The following CSMD2 variants were observed in gnomAD, a reference collection of about 807,000 sequenced individuals.
CSMD2 encodes CUB and Sushi multiple domains 2.
Under a neutral mutation model 398.5 loss-of-function variants are expected in CSMD2, and 130 were observed. The observed-to-expected ratio is 0.33, with a 90% CI of 0.28 to 0.38. The LOEUF (loss-of-function observed/expected upper bound fraction) is 0.38, where lower values mean the gene tolerates loss of function less well. Ranked by LOEUF, CSMD2 falls within the 10% of genes least tolerant of loss-of-function variation. The probability of loss-of-function intolerance (pLI) is 1.00; values close to 1 mark genes in which losing one functional copy is unlikely to be tolerated. For synonymous variants in CSMD2, 1,828 were observed against 1,908.5 expected (o/e 0.96, Z 1.10); for missense variants, 3,829 against 4,764.9 (o/e 0.80, Z 5.78).
chr1:33,523,357 C>T lies in CSMD2; in HGVS notation c.10459G>A (p.Glu3487Lys), dbSNP rs1654479757. 6.2e-7 allele frequency: 1 copy of T among 1,604,108 alleles called. No homozygotes were observed. The highest frequency in any genetic ancestry group is 8.5e-7 in the Non-Finnish European group (1 of 1,171,480). Residue 3487 changes from glutamate to lysine, a missense_variant, in exon 67 of 71, where the codon GAG becomes AAG. Transcript: ENST00000373381. ...LQVYQITGPV[E>K]IFMNKFKDDH... ...TCTTTGAACTTATTCATAAAGATCTCCACAGGCCCTGTAATCTGGTACACC... is the reference window on the plus strand; with the variant it reads ...TCTTTGAACTTATTCATAAAGATCTTCACAGGCCCTGTAATCTGGTACACC...
intron 3 of CSMD2, among the ~76,000 whole-genome samples, chr1:33,977,929 C>T (rs1646027425): frequency 1.3e-5 from 2 of 152,048 alleles, no homozygotes; most frequent in South Asian, 2.1e-4. Flanking sequence ...GCAGGGGTCC[C>T]GGTCGGGGCT....
chr1:33,723,984 G>A (rs754231567), intron 19 of CSMD2, among the ~76,000 whole-genome samples: 4 of 152,146 alleles, frequency 2.6e-5, no homozygotes, highest in Non-Finnish European at 4.4e-5. Flanking sequence ...CTTCCAGCAG[G>A]GAGATTTTAG....
intron 43 of CSMD2, among the ~76,000 whole-genome samples, chr1:33,601,384 C>T (rs949974989): frequency 4.1e-4 from 62 of 152,174 alleles, no homozygotes; most frequent in African/African-American, 1.5e-3. Flanking sequence ...TGCATATCGG[C>T]TCCATGCTCC....
At chr1:33,614,693 G>T in intron 39 of CSMD2, 73 bp from the exon 40 acceptor site, 2 of 815,420 alleles carry the variant, frequency 2.5e-6, no homozygotes, top group Non-Finnish European at 4.1e-6. Flanking sequence ...ATGTTTGGAA[G>T]CTCCCTTCAA....
chr1:33,579,945 C>T (rs1212554387), intron 48 of CSMD2, among the ~76,000 whole-genome samples: 1 of 152,196 alleles, frequency 6.6e-6, no homozygotes, highest in Non-Finnish European at 1.5e-5. Context: ...TCCCAAAGTG[C>T]TGAGATTACA....
At chr1:33,653,641 T>G (rs1392130189) in intron 27 of CSMD2, among the ~76,000 whole-genome samples, 1 of 152,162 alleles carries the variant, frequency 6.6e-6, no homozygotes, top group African/African-American at 2.4e-5. Flanking sequence ...AGGGACCTTC[T>G]GGGGCAGCTT....
intron 14 of CSMD2, 105 bp from the exon 15 acceptor site, chr1:33,739,439 C>A (rs1291579297): frequency 1.8e-6 from 2 of 1,082,850 alleles, no homozygotes; most frequent in East Asian, 4.9e-5. Flanking sequence ...AACTCCACCA[C>A]CTCCCCAAGA....
chr1:33,843,272 G>A (rs973995598), intron 6 of CSMD2, among the ~76,000 whole-genome samples: 3 of 152,320 alleles, frequency 2.0e-5, no homozygotes, highest in African/African-American at 7.2e-5. Context: ...AGCAGAGCCC[G>A]ACTAGAACTC....
At chr1:34,013,123 T>A (rs1408247250) in intron 3 of CSMD2, among the ~76,000 whole-genome samples, 1 of 152,200 alleles carries the variant, frequency 6.6e-6, no homozygotes, top group African/African-American at 2.4e-5. Flanking sequence ...AGATGGGAGC[T>A]GAGGGCAGTT....
chr1:33,522,187 G>T (rs1570607743), intron 67 of CSMD2, among the ~76,000 whole-genome samples: 2 of 152,280 alleles, frequency 1.3e-5, no homozygotes, highest in Non-Finnish European at 2.9e-5. Context: ...GTGCTCCTGG[G>T]TACTCCCAAC....
intron 2 of CSMD2, among the ~76,000 whole-genome samples, chr1:34,040,570 G>A (rs1343000462): frequency 6.6e-6 from 1 of 152,198 alleles, no homozygotes; most frequent in Non-Finnish European, 1.5e-5. Context: ...TAAATGAATG[G>A]ATAAATGAAT....
chr1:33,866,920 A>T (rs1640080018), intron 5 of CSMD2, among the ~76,000 whole-genome samples: 1 of 152,246 alleles, frequency 6.6e-6, no homozygotes, highest in Non-Finnish European at 1.5e-5. Context: ...GAGGTAATAC[A>T]TGTAAAAGTA....
intron 3 of CSMD2, among the ~76,000 whole-genome samples, chr1:33,966,942 T>C (rs1445655618): frequency 2.0e-5 from 3 of 152,198 alleles, no homozygotes; most frequent in Admixed American, 1.3e-4. Context: ...GTGGAGGCAG[T>C]CCTGTGGCTG....
chr1:34,089,140 C>T lies in CSMD2; in HGVS notation c.241G>A (p.Gly81Arg). Residue 81 changes from glycine (G) to arginine (R), a missense_variant, in exon 2 of 71, where the codon GGG (glycine) becomes AGG (arginine). Physicochemically the swap from Gly to Arg is moderately radical, Grantham distance 125 (BLOSUM62 -2). This residue lies in a region of CSMD2 where 184 missense variants were observed against 217.7 expected (regional missense o/e 0.85). Coordinates refer to ENST00000373381, the MANE Select transcript of CSMD2 (RefSeq NM_001281956.2). Reference protein sequence around the residue: ...HGPNGTVESPGFPYGYPNYAN... With the variant: ...HGPNGTVESPRFPYGYPNYAN... ...TAATTGGGGTAGCCATATGGGAACC[C>T]TGGGCTCTCAACTGTCCCATTGGGA... 1 of 1,614,156 alleles carries T rather than the reference C, an allele frequency of 6.2e-7. No individual in the cohort carries two copies. Among genetic ancestry groups the T allele is most frequent in the Non-Finnish European group, 8.5e-7 (1 of 1,180,034 alleles).
chr1:33,625,238 G>A lies in CSMD2; in HGVS notation c.5313C>T (p.Ser1771=), dbSNP rs777791598. The A allele has an allele frequency of 5.0e-6, 8 of 1,612,114 alleles. No individual in the cohort carries two copies. The highest frequency in any genetic ancestry group is 2.2e-5 in the South Asian group (2 of 90,490). Residue 1771 remains serine, a synonymous_variant, in exon 34 of 71, where the codon AGC becomes AGT. Transcript: ENST00000373381. The part of the protein sequence containing the change: ...HFVYQAVPRT[S]ATQCSSVPEP... Reference sequence around the variant, plus strand: ...CCGGCACAGAGCTGCACTGCGTGGCGCTGGTTCGAGGAACCGCTGTGGGGG... The same window carrying A: ...CCGGCACAGAGCTGCACTGCGTGGCACTGGTTCGAGGAACCGCTGTGGGGG...
At chr1:33,604,839 G>C (rs1007582181) in intron 42 of CSMD2, among the ~76,000 whole-genome samples, 61 of 152,132 alleles carry the variant, frequency 4.0e-4, no homozygotes, top group African/African-American at 1.4e-3. Flanking sequence ...GGAGCAGGGA[G>C]GGGGAAGATG....
chr1:33,825,842 G>A, intron 6 of CSMD2, 68 bp from the exon 7 acceptor site: 1 of 1,290,732 alleles, frequency 7.7e-7, no homozygotes, highest in Non-Finnish European at 1.1e-6. Context: ...GGTCCCTCTA[G>A]AAGGATTCCC....
At chr1:33,777,899 T>C (rs1652210583) in intron 12 of CSMD2, among the ~76,000 whole-genome samples, 1 of 152,210 alleles carries the variant, frequency 6.6e-6, no homozygotes, top group East Asian at 1.9e-4. Flanking sequence ...CAGAAGGGAC[T>C]GTATCATGTG....
intron 1 of CSMD2, among the ~76,000 whole-genome samples, chr1:34,140,424 G>A (rs1330661044): frequency 6.6e-6 from 1 of 152,000 alleles, no homozygotes; most frequent in African/African-American, 2.4e-5. Flanking sequence ...TGCAAGCAAG[G>A]CCTGGCAAAT....
Sources: allele counts gnomAD v4.1 joint callset (sites outside exome capture counted in the v4.1 genomes callset), GRCh38; gene constraint gnomAD v4.1.1; regional missense constraint gnomAD v4.1.1; transcripts MANE v1.5; gene names NCBI Gene and HGNC (gene_info 2026-07-23, HGNC 2026-07-21).